The following ADGRL2 variants were observed in gnomAD, a reference collection of about 807,000 sequenced individuals.
ADGRL2 encodes the protein calcium-independent alpha-latrotoxin receptor 2.
ADGRL2 carries 44 observed loss-of-function variants against 157.4 expected under a neutral mutation model. That is an observed-to-expected ratio of 0.28 (90% CI 0.22 to 0.36). The LOEUF is 0.36. ADGRL2 is among the 10% of genes least tolerant of loss of function. ADGRL2 has a pLI of 1.00. For missense variants in ADGRL2, 1,510 were observed against 1,768.9 expected (o/e 0.85, Z 2.63); for synonymous variants, 585 against 624.7 (o/e 0.94, Z 0.95).
chr1:81,714,385 TC>T (rs1199214323), intron 1 of ADGRL2, among the ~76,000 whole-genome samples: 1 of 152,212 alleles, frequency 6.6e-6, no homozygotes, highest in African/African-American at 2.4e-5. Flanking sequence ...GTATCAAACT[TC>T]TTAAAAATAC....
intron 3 of ADGRL2, among the ~76,000 whole-genome samples, chr1:81,601,051 T>C (rs2081324437): frequency 1.3e-5 from 2 of 152,240 alleles, no homozygotes; most frequent in South Asian, 2.1e-4. Flanking sequence ...CAGGTGATCA[T>C]TGGTGAGAGG....
chr1:81,768,132 A>G (rs547236186), intron 2 of ADGRL2, among the ~76,000 whole-genome samples: 31 of 151,774 alleles, frequency 2.0e-4, no homozygotes, highest in African/African-American at 7.2e-4. Context: ...TACAAACTTG[A>G]ACTCCTGGGC....
intron 3 of ADGRL2, among the ~76,000 whole-genome samples, chr1:81,916,018 A>G (rs182264268): frequency 1.3e-5 from 2 of 152,280 alleles, no homozygotes; most frequent in Admixed American, 1.3e-4. Context: ...CCTGTACACT[A>G]AAACATCGGT....
intron 2 of ADGRL2, among the ~76,000 whole-genome samples, chr1:81,888,799 G>A (rs2094193015): frequency 6.6e-6 from 1 of 152,196 alleles, no homozygotes; most frequent in East Asian, 1.9e-4. Context: ...TTTCCCACAA[G>A]TCTTATCAGC....
intron 2 of ADGRL2, chr1:81,514,707 C>T (rs1306206813): frequency 3.3e-5 from 5 of 152,150 alleles, no homozygotes; most frequent in African/African-American, 1.2e-4. Flanking sequence ...TTGCCTTTAA[C>T]TCAAGAACAT....
chr1:81,507,088 A>T (rs1208980952), intron 2 of ADGRL2, among the ~76,000 whole-genome samples: 1 of 149,090 alleles, frequency 6.7e-6, no homozygotes, highest in Non-Finnish European at 1.5e-5. Context: ...CAATGGAGGA[A>T]TTTTTTTTTT....
chr1:81,777,523 C>A (rs1025919515), intron 2 of ADGRL2, among the ~76,000 whole-genome samples: 4 of 152,312 alleles, frequency 2.6e-5, no homozygotes, highest in Admixed American at 6.5e-5. Context: ...GTAATCCCAG[C>A]ACTTTGGGAG....
chr1:81,974,481 G>GGA (rs757775417), intron 17 of ADGRL2, among the ~76,000 whole-genome samples: 3 of 152,134 alleles, frequency 2.0e-5, no homozygotes, highest in Non-Finnish European at 4.4e-5. Flanking sequence ...CTAGTCCCAG[G>GGA]GAGAAATAGG....
chr1:81,857,755 A>C (rs1164472367), intron 2 of ADGRL2, among the ~76,000 whole-genome samples: 1 of 152,194 alleles, frequency 6.6e-6, no homozygotes, highest in East Asian at 1.9e-4. Context: ...TTCTTGATAC[A>C]AGACAATATT....
chr1:81,709,393 T>C (rs1311141773), intron 1 of ADGRL2, among the ~76,000 whole-genome samples: 2 of 152,146 alleles, frequency 1.3e-5, no homozygotes, highest in African/African-American at 2.4e-5. Flanking sequence ...CTATCTCCTC[T>C]ATTCAGTGAG....
At chr1:81,639,255 G>C (rs561194736) in intron 3 of ADGRL2, among the ~76,000 whole-genome samples, 2 of 152,166 alleles carry the variant, frequency 1.3e-5, no homozygotes, top group Admixed American at 6.5e-5. Flanking sequence ...ATTTTTAGTA[G>C]AGACGGTGTT....
chr1:81,782,994 G>A lies in ADGRL2; in HGVS notation c.-101+21142G>A, dbSNP rs182450045. On this transcript the variant is annotated intron_variant, in intron 2 of 20. Coordinates refer to the ADGRL2 transcript ENST00000359929. ...CTCTCTGGCCTCATCATCAGGTGAT[G>A]CTTTTGCCATGCGTTGGAAATCTGT... Among the ~76,000 whole-genome samples, 42 of 152,304 alleles carry A rather than the reference G, an allele frequency of 2.8e-4. 1 individual carries two copies. The highest frequency in any genetic ancestry group is 9.6e-4 in the African/African-American group (40 of 41,562).
At chr1:81,408,917 T>C (rs934715302) in intron 1 of ADGRL2, among the ~76,000 whole-genome samples, 1 of 152,238 alleles carries the variant, frequency 6.6e-6, no homozygotes, top group African/African-American at 2.4e-5. Flanking sequence ...ACTTTCTATT[T>C]CTTTGGATCA....
chr1:81,519,924 G>A (rs1570364223), intron 2 of ADGRL2, among the ~76,000 whole-genome samples: 3 of 152,284 alleles, frequency 2.0e-5, no homozygotes, highest in South Asian at 2.1e-4. Context: ...CTAGGGATGG[G>A]CATGTGGTAT....
chr1:81,611,255 C>T (rs753829264), intron 3 of ADGRL2, among the ~76,000 whole-genome samples: 2 of 152,198 alleles, frequency 1.3e-5, no homozygotes, highest in Admixed American at 6.5e-5. Context: ...AGGGATATAT[C>T]ACAGCCTTCA....
intron 1 of ADGRL2, among the ~76,000 whole-genome samples, chr1:81,804,805 A>G (rs565597894): frequency 1.3e-5 from 2 of 152,334 alleles, no homozygotes; most frequent in Non-Finnish European, 2.9e-5. Flanking sequence ...TATTAGTAAA[A>G]TGAAAAGGCC....
At chr1:81,395,097 G>A (rs12078159) in intron 1 of ADGRL2, among the ~76,000 whole-genome samples, 4,589 of 151,960 alleles carry the variant, frequency 0.03, 235 homozygotes, top group African/African-American at 0.11. Context: ...TTTTTGTAGC[G>A]ACGGGTATTC....
At chr1:81,371,209 C>A (rs767982880) in intron 1 of ADGRL2, among the ~76,000 whole-genome samples, 2 of 152,134 alleles carry the variant, frequency 1.3e-5, no homozygotes, top group African/African-American at 2.4e-5. Context: ...CCTTCTTATG[C>A]CTGTTTGAAC....
chr1:81,308,144 C>A (rs767877688), intron 1 of ADGRL2, among the ~76,000 whole-genome samples: 1 of 151,946 alleles, frequency 6.6e-6, no homozygotes, highest in Non-Finnish European at 1.5e-5. Context: ...AGGAATTTGA[C>A]TTATTTATTA....
Sources: gnomAD v4.1 joint callset for allele counts (sites outside exome capture counted in the v4.1 genomes callset) on GRCh38, gnomAD v4.1.1 for gene constraint, MANE v1.5 for transcripts, NCBI Gene and HGNC (gene_info 2026-07-23, HGNC 2026-07-21) for gene names.